Variants in CACNB2 observed in about 807,000 individuals in gnomAD.
CACNB2 encodes calcium voltage-gated channel auxiliary subunit beta 2, also known as voltage-dependent L-type calcium channel subunit beta-2.
Under a neutral mutation model 73.3 loss-of-function variants are expected in CACNB2, and 42 were observed. That is an observed-to-expected ratio of 0.57 (90% CI 0.45 to 0.74). CACNB2 has a LOEUF of 0.74. Among genes scored for constraint, CACNB2 ranks in the 30% least tolerant of loss-of-function variants. The pLI is 0.00. For missense variants in CACNB2, 940 were observed against 853.0 expected (o/e 1.10, Z -1.27); for synonymous variants, 348 against 310.3 (o/e 1.12, Z -1.28).
At chr10:18,346,149 T>C (rs1301629561) in intron 2 of CACNB2, among the ~76,000 whole-genome samples, 1 of 152,114 alleles carries the variant, frequency 6.6e-6, no homozygotes, top group Non-Finnish European at 1.5e-5. Flanking sequence ...AACTTTCTTT[T>C]ATTTGTTTGA....
intron 2 of CACNB2, among the ~76,000 whole-genome samples, chr10:18,389,552 A>G (rs2132437427): frequency 6.6e-6 from 1 of 152,364 alleles, no homozygotes; most frequent in East Asian, 1.9e-4. Context: ...ATTTGCCTGT[A>G]ATCATCTTTA....
At chr10:18,229,823 G>A (rs1174694836) in intron 2 of CACNB2, among the ~76,000 whole-genome samples, 2 of 152,174 alleles carry the variant, frequency 1.3e-5, no homozygotes, top group African/African-American at 4.8e-5. Flanking sequence ...TAATTTTTAT[G>A]TAGTTAAATA....
At chr10:18,321,958 G>A (rs567354054) in intron 2 of CACNB2, among the ~76,000 whole-genome samples, 2 of 152,096 alleles carry the variant, frequency 1.3e-5, no homozygotes, top group Non-Finnish European at 2.9e-5. Context: ...TTCAAGACCA[G>A]CCTGAACAAC....
At chr10:18,399,918 A>G (rs1184310532) in intron 2 of CACNB2, among the ~76,000 whole-genome samples, 2 of 152,208 alleles carry the variant, frequency 1.3e-5, no homozygotes, top group East Asian at 1.9e-4. Context: ...CTCATCTACA[A>G]GCAGAGTTGG....
chr10:18,322,724 A>G (rs2040438400), intron 2 of CACNB2, among the ~76,000 whole-genome samples: 1 of 152,190 alleles, frequency 6.6e-6, no homozygotes, highest in African/African-American at 2.4e-5. Context: ...AAAGGAATAA[A>G]TTCTTAAAGT....
chr10:18,188,221 G>A (rs370142028), intron 2 of CACNB2, among the ~76,000 whole-genome samples: 110 of 148,012 alleles, frequency 7.4e-4, no homozygotes, highest in African/African-American at 2.4e-3. Context: ...CCTTCCTTCC[G>A]TCTTGCCTGC....
intron 2 of CACNB2, among the ~76,000 whole-genome samples, chr10:18,310,543 T>G (rs1364891838): frequency 7.0e-6 from 1 of 142,958 alleles, no homozygotes; most frequent in Non-Finnish European, 1.5e-5. Flanking sequence ...AGGCGGAGTT[T>G]GTGGTGAGCC....
At chr10:18,371,734 G>A (rs550876668) in intron 2 of CACNB2, among the ~76,000 whole-genome samples, 7 of 152,082 alleles carry the variant, frequency 4.6e-5, no homozygotes, top group Non-Finnish European at 8.8e-5. Flanking sequence ...GGGATGGCTG[G>A]GTCAAATGGT....
intron 2 of CACNB2, among the ~76,000 whole-genome samples, chr10:18,354,247 A>G (rs915204863): frequency 1.3e-5 from 2 of 152,214 alleles, no homozygotes; most frequent in African/African-American, 2.4e-5. Context: ...TTTAACAAAC[A>G]CTTGTTAAGT....
intron 2 of CACNB2, chr10:18,151,244 G>A: frequency 2.7e-6 from 1 of 364,550 alleles, no homozygotes; most frequent in Non-Finnish European, 4.8e-6. Flanking sequence ...GAGAACTCCA[G>A]CAGAAATGAT....
intron 2 of CACNB2, among the ~76,000 whole-genome samples, chr10:18,334,837 G>C (rs2132036361): frequency 6.6e-6 from 1 of 152,268 alleles, no homozygotes. Flanking sequence ...ATGTGTACTA[G>C]ATGTTTTATG....
At chr10:18,173,939 G>A (rs952275679) in intron 2 of CACNB2, among the ~76,000 whole-genome samples, 4 of 152,130 alleles carry the variant, frequency 2.6e-5, no homozygotes, top group Non-Finnish European at 5.9e-5. Context: ...TAAAATGTTG[G>A]TGAGTCTCAG....
chr10:18,309,588 G>C (rs926903617), intron 2 of CACNB2, among the ~76,000 whole-genome samples: 2 of 152,242 alleles, frequency 1.3e-5, no homozygotes, highest in Admixed American at 6.5e-5. Flanking sequence ...CTCCCAAGTA[G>C]CTGGGATTAC....
intron 3 of CACNB2, among the ~76,000 whole-genome samples, chr10:18,442,080 A>C (rs1204497311): frequency 6.6e-6 from 1 of 152,216 alleles, no homozygotes; most frequent in Non-Finnish European, 1.5e-5. Flanking sequence ...TGAGGTGGAC[A>C]TACCAAGACA....
Position 18,248,623 on chromosome 10 carries a change from A to G in CACNB2, c.213+97648A>G, listed in dbSNP as rs375270442. 9.2e-5 allele frequency among the ~76,000 whole-genome samples: 14 copies of G among 152,218 alleles called. 1 individual carries two copies. The South Asian group carries it at 1.2e-3, about 13-fold the overall frequency. Reference sequence around the variant, plus strand: ...TAGGAGAAGTGAGCTTCTTTTAAACATATCTTAAAAGAGAATGTCTATGAT... The same window carrying G: ...TAGGAGAAGTGAGCTTCTTTTAAACGTATCTTAAAAGAGAATGTCTATGAT... On this transcript the variant is annotated intron_variant, in intron 2 of 13. Coordinates refer to ENST00000324631, the MANE Select transcript of CACNB2 (RefSeq NM_201596.3).
At chr10:18,341,229 T>C (rs1051020982) in intron 2 of CACNB2, among the ~76,000 whole-genome samples, 1 of 151,934 alleles carries the variant, frequency 6.6e-6, no homozygotes, top group Non-Finnish European at 1.5e-5. Context: ...AGGGAGAGAG[T>C]CCCGGTGCAG....
At chr10:18,527,520 C>CATA (rs1410288433) in intron 9 of CACNB2, 68 bp from the exon 10 acceptor site, 1 of 924,062 alleles carries the variant, frequency 1.1e-6, no homozygotes. Flanking sequence ...GAATTTGGGG[C>CATA]ATACACTTCT....
intron 2 of CACNB2, among the ~76,000 whole-genome samples, chr10:18,335,905 T>C (rs1238731382): frequency 6.6e-6 from 1 of 150,850 alleles, no homozygotes; most frequent in African/African-American, 2.5e-5. Context: ...CCATTTAGAA[T>C]TTCCATCCTC....
At chr10:18,357,649 A>T (rs2041977398) in intron 2 of CACNB2, among the ~76,000 whole-genome samples, 1 of 152,228 alleles carries the variant, frequency 6.6e-6, no homozygotes, top group African/African-American at 2.4e-5. Flanking sequence ...TTGTACTCAT[A>T]TCCAAAAAAA....
Sources: gnomAD v4.1 joint callset for allele counts (sites outside exome capture counted in the v4.1 genomes callset) on GRCh38, gnomAD v4.1.1 for gene constraint, MANE v1.5 for transcripts, NCBI Gene and HGNC (gene_info 2026-07-23, HGNC 2026-07-21) for gene names.